FGFR1OP2: variants seen among roughly 807,000 people sequenced by gnomAD.
FGFR1OP2 encodes the protein FGFR1 oncogene partner 2, also known as fibroblast growth factor receptor 1 oncogene partner 2.
A neutral mutation model predicts 35.2 loss-of-function variants in FGFR1OP2; 17 were observed. The observed-to-expected ratio is 0.48, with a 90% CI of 0.33 to 0.73. FGFR1OP2 has a LOEUF of 0.73. Ranked by LOEUF, FGFR1OP2 falls within the 30% of genes least tolerant of loss-of-function variation. The pLI is 0.02. For missense variants in FGFR1OP2, 251 were observed against 307.3 expected (o/e 0.82, Z 1.37); for synonymous variants, 105 against 104.6 (o/e 1.00, Z -0.03).
intron 5 of FGFR1OP2, chr12:26,962,505 G>C (rs1490772277): frequency 6.6e-6 from 1 of 152,210 alleles, no homozygotes; most frequent in African/African-American, 2.4e-5. Flanking sequence ...GCTGTTCATT[G>C]AGAAAATGAT....
At chr12:26,951,208 T>C (rs1391956380) in intron 1 of FGFR1OP2, among the ~76,000 whole-genome samples, 2 of 152,004 alleles carry the variant, frequency 1.3e-5, no homozygotes, top group Non-Finnish European at 2.9e-5. Flanking sequence ...TGGAGTGCAG[T>C]GGTGCTATGG....
At chr12:26,952,503 A>G (rs947305688) in intron 1 of FGFR1OP2, among the ~76,000 whole-genome samples, 1 of 152,152 alleles carries the variant, frequency 6.6e-6, no homozygotes, top group Non-Finnish European at 1.5e-5. Context: ...AGTTATATTA[A>G]TTTCCAGCTT....
chr12:26,947,183 CT>C (rs1300141424), intron 1 of FGFR1OP2, among the ~76,000 whole-genome samples: 1 of 152,134 alleles, frequency 6.6e-6, no homozygotes, highest in African/African-American at 2.4e-5. Flanking sequence ...CATGTTTAAC[CT>C]TTTGAAGAAC....
At chr12:26,959,833 GGTTA>G (rs1258518272) in intron 4 of FGFR1OP2, among the ~76,000 whole-genome samples, 1 of 152,098 alleles carries the variant, frequency 6.6e-6, no homozygotes, top group Non-Finnish European at 1.5e-5. Context: ...ACTGGCACTG[GGTTA>G]GTTATGGGAA....
intron 1 of FGFR1OP2, among the ~76,000 whole-genome samples, chr12:26,940,660 G>A (rs1319729350): frequency 6.6e-6 from 1 of 152,128 alleles, no homozygotes; most frequent in Non-Finnish European, 1.5e-5. Context: ...CAGATCTGTG[G>A]TGTATCAGTA....
chr12:26,963,044 CA>C (rs1211534053), intron 5 of FGFR1OP2: 275 of 204,560 alleles, frequency 1.3e-3, no homozygotes, highest in Middle Eastern at 3.6e-3. Flanking sequence ...TATGTAAGTG[CA>C]AAAAAAAAGA....
Position 26,965,837 on chromosome 12 carries a change from A to G in FGFR1OP2, c.*1104A>G, listed in dbSNP as rs1939168888. On this transcript the variant is annotated 3_prime_UTR_variant, in exon 7 of 7. Coordinates refer to ENST00000229395, the MANE Select transcript of FGFR1OP2 (RefSeq NM_015633.3). ...TCTTTTAAAATGTCAAATATATAAT[A>G]TGTAATTTTTTTAAAAACCACCAGA... The G allele has an allele frequency of 6.6e-6, 1 of 151,996 alleles. No individual in the cohort carries two copies. Among genetic ancestry groups the G allele is most frequent in the Non-Finnish European group, 1.5e-5 (1 of 67,942 alleles). 9.4% of individuals were successfully genotyped at this position (151,996 alleles called of 1,614,324 possible). A position where few individuals can be genotyped will look rare whatever the true frequency, so the allele number is the denominator to read the frequency against.
intron 4 of FGFR1OP2, among the ~76,000 whole-genome samples, chr12:26,959,434 T>C (rs1231016148): frequency 6.6e-6 from 1 of 152,180 alleles, no homozygotes; most frequent in Admixed American, 6.5e-5. Context: ...AAAAGGTTTG[T>C]ATGTTTTATA....
intron 2 of FGFR1OP2, among the ~76,000 whole-genome samples, chr12:26,955,563 A>G (rs117884518): frequency 1.3e-5 from 2 of 152,302 alleles, no homozygotes; most frequent in Non-Finnish European, 2.9e-5. Context: ...TTTCATATAA[A>G]TGGAATGATA....
chr12:26,942,778 T>G (rs7954107), intron 1 of FGFR1OP2, among the ~76,000 whole-genome samples: 2,004 of 152,340 alleles, frequency 0.013, 51 homozygotes, highest in African/African-American at 0.045. Context: ...GTAAAGTCTT[T>G]TATTCATTTT....
At chr12:26,941,113 TA>T (rs879551267) in intron 1 of FGFR1OP2, among the ~76,000 whole-genome samples, 50 of 126,860 alleles carry the variant, frequency 3.9e-4, no homozygotes, top group East Asian at 1.1e-3. Context: ...TTTAACTTGC[TA>T]AAAAAAAAAA....
chr12:26,950,367 C>T (rs201136491), intron 1 of FGFR1OP2, among the ~76,000 whole-genome samples: 6 of 151,524 alleles, frequency 4.0e-5, no homozygotes, highest in Admixed American at 2.0e-4. Context: ...AGACTACAGG[C>T]GCATGCCACT....
intron 1 of FGFR1OP2, among the ~76,000 whole-genome samples, chr12:26,939,482 A>G (rs1938674846): frequency 6.6e-6 from 1 of 152,142 alleles, no homozygotes; most frequent in Non-Finnish European, 1.5e-5. Context: ...ATATCCTACC[A>G]TACAAGACTA....
Position 26,960,568 on chromosome 12 carries a change from A to G in FGFR1OP2, c.450A>G (p.Arg150=), listed in dbSNP as rs1164908414. Residue 150 remains arginine, a synonymous_variant, in exon 5 of 7, where the codon CGA becomes CGG. Transcript: ENST00000229395. ...KSEGFFLDAS[R]HILEAPQHGL... is the part of the protein sequence containing the mutation. ...AAGGATTCTTCCTTGATGCATCTCGACACATCCTTGAAGCACCTCAACATG... is the reference window on the plus strand; with the variant it reads ...AAGGATTCTTCCTTGATGCATCTCGGCACATCCTTGAAGCACCTCAACATG... 2 of 1,613,702 alleles carry G rather than the reference A, an allele frequency of 1.2e-6. No individual in the cohort carries two copies. The highest frequency in any genetic ancestry group is 1.7e-6 in the Non-Finnish European group (2 of 1,179,780).
At chr12:26,942,071 C>T (rs899611050) in intron 1 of FGFR1OP2, among the ~76,000 whole-genome samples, 4 of 152,188 alleles carry the variant, frequency 2.6e-5, no homozygotes, top group Non-Finnish European at 4.4e-5. Flanking sequence ...CTTGCTCTGT[C>T]GCCCAGGCTG....
At chr12:26,941,266 A>G (rs1037515676) in intron 1 of FGFR1OP2, among the ~76,000 whole-genome samples, 7 of 152,188 alleles carry the variant, frequency 4.6e-5, no homozygotes, top group African/African-American at 1.7e-4. Context: ...TAAAATTTGA[A>G]ACTTGTTAGA....
In FGFR1OP2 at chr12:26,965,621, A is replaced by C. The variant is rs1227384040; in HGVS notation, c.*888A>C. ...AGTGAATTGGGAATTCCTCTGGCTC[A>C]TAGAACCCTTTTTTTTTTCCTTTAA... On this transcript the variant is annotated 3_prime_UTR_variant, in exon 7 of 7. Transcript: ENST00000229395. 2 of 151,906 alleles carry C rather than the reference A, an allele frequency of 1.3e-5. No homozygotes were observed. The highest frequency in any genetic ancestry group is 4.2e-4 in the South Asian group (2 of 4,808). 9.4% of individuals were successfully genotyped at this position (151,906 alleles called of 1,614,324 possible).
intron 1 of FGFR1OP2, among the ~76,000 whole-genome samples, chr12:26,944,500 A>T (rs1318178005): frequency 1.3e-5 from 2 of 152,234 alleles, no homozygotes; most frequent in East Asian, 3.8e-4. Context: ...GCCAGTTGGT[A>T]TGCATAAGTG....
chr12:26,944,384 G>A (rs1013950267), intron 1 of FGFR1OP2, among the ~76,000 whole-genome samples: 3 of 152,118 alleles, frequency 2.0e-5, no homozygotes, highest in African/African-American at 7.2e-5. Flanking sequence ...GAAGTATGAC[G>A]TTTGCTGTAA....
Sources: allele counts gnomAD v4.1 joint callset (sites outside exome capture counted in the v4.1 genomes callset), GRCh38; gene constraint gnomAD v4.1.1; transcripts MANE v1.5; gene names NCBI Gene and HGNC (gene_info 2026-07-23, HGNC 2026-07-21).